The following ANTXR1 variants were observed in gnomAD, a reference collection of about 807,000 sequenced individuals.
The protein encoded by ANTXR1 is ANTXR cell adhesion molecule 1.
ANTXR1 carries 19 observed loss-of-function variants against 78.1 expected under a neutral mutation model. The observed-to-expected ratio is 0.24, with a 90% CI of 0.17 to 0.36. The LOEUF is 0.36. Among genes scored for constraint, ANTXR1 ranks in the 10% least tolerant of loss-of-function variants. The probability of loss-of-function intolerance (pLI) is 1.00; values close to 1 mark genes in which losing one functional copy is unlikely to be tolerated. For missense variants in ANTXR1, 518 were observed against 718.6 expected (o/e 0.72, Z 3.19); for synonymous variants, 273 against 260.5 (o/e 1.05, Z -0.46).
intron 8 of ANTXR1, among the ~76,000 whole-genome samples, chr2:69,084,661 C>T (rs180686068): frequency 1.4e-5 from 2 of 147,216 alleles, no homozygotes; most frequent in African/African-American, 5.0e-5. Context: ...AAACTCCTGG[C>T]CCCAAGCAAT....
At chr2:69,209,517 A>G in intron 17 of ANTXR1, among the ~76,000 whole-genome samples, 1 of 152,238 alleles carries the variant, frequency 6.6e-6, no homozygotes, top group Non-Finnish European at 1.5e-5. Context: ...TGGAGTTTGT[A>G]TCCTAGGATT....
At chr2:69,142,632 G>A (rs936095746) in intron 12 of ANTXR1, among the ~76,000 whole-genome samples, 6 of 152,166 alleles carry the variant, frequency 3.9e-5, no homozygotes, top group African/African-American at 1.4e-4. Context: ...CCTAGCACAT[G>A]GTAGGTGTTC....
chr2:69,064,639 T>C (rs899395373), intron 3 of ANTXR1, among the ~76,000 whole-genome samples: 1 of 152,104 alleles, frequency 6.6e-6, no homozygotes, highest in Non-Finnish European at 1.5e-5. Flanking sequence ...GGTGATAGAT[T>C]AAAAGTGAAA....
intron 3 of ANTXR1, among the ~76,000 whole-genome samples, chr2:69,058,630 C>A (rs1670138837): frequency 6.6e-6 from 1 of 152,176 alleles, no homozygotes; most frequent in Admixed American, 6.5e-5. Context: ...AGATTAATGT[C>A]ATTTTCATGC....
In ANTXR1 at chr2:69,124,425, A is replaced by T. The variant is rs920836199; in HGVS notation, c.873-140A>T. The T allele has an allele frequency of 2.7e-5, 21 of 765,242 alleles. No homozygotes were observed. The Middle Eastern group carries it at 1.3e-3, about 46-fold the overall frequency. The allele number at this position is 765,242 out of a possible 1,614,324, so 47.4% of individuals were successfully genotyped here. ...ACATTTTACAAAAGAGGAAACTCAG[A>T]CCCCTCCTCCCCTGGAGAAGAGACT... On this transcript the variant is annotated intron_variant, in intron 11 of 17. Coordinates refer to ENST00000303714, the MANE Select transcript of ANTXR1 (RefSeq NM_032208.3).
intron 1 of ANTXR1, among the ~76,000 whole-genome samples, chr2:69,020,075 T>C (rs1380352838): frequency 3.3e-5 from 5 of 152,224 alleles, no homozygotes; most frequent in African/African-American, 1.2e-4. Context: ...GAACAATTTA[T>C]ATTCCTTTGG....
intron 10 of ANTXR1, among the ~76,000 whole-genome samples, chr2:69,122,087 G>C (rs13026824): frequency 0.62 from 94,143 of 152,074 alleles, 30,274 homozygotes; most frequent in East Asian, 0.9. Flanking sequence ...AGAACTTTGT[G>C]CAAATCCCTC....
intron 17 of ANTXR1, among the ~76,000 whole-genome samples, chr2:69,199,459 CT>C (rs1674725101): frequency 2.0e-5 from 3 of 152,202 alleles, no homozygotes; most frequent in Admixed American, 6.5e-5. Context: ...ATTGACACAA[CT>C]GGAGAATAAC....
intron 3 of ANTXR1, among the ~76,000 whole-genome samples, chr2:69,050,710 T>G (rs1669906789): frequency 6.6e-6 from 1 of 152,204 alleles, no homozygotes; most frequent in Admixed American, 6.5e-5. Flanking sequence ...TGAGAAACAG[T>G]AGAAATTACC....
At chr2:69,035,567 C>A (rs1327421306) in intron 1 of ANTXR1, among the ~76,000 whole-genome samples, 1 of 152,140 alleles carries the variant, frequency 6.6e-6, no homozygotes, top group African/African-American at 2.4e-5. Flanking sequence ...TTCCTAGAAT[C>A]TTAGAAGTTT....
intron 3 of ANTXR1, among the ~76,000 whole-genome samples, chr2:69,051,727 C>T (rs1669939428): frequency 6.6e-6 from 1 of 151,942 alleles, no homozygotes; most frequent in African/African-American, 2.4e-5. Flanking sequence ...AGACATTTTG[C>T]ATTTTCCACC....
At chr2:69,037,348 G>C (rs1328696546) in intron 1 of ANTXR1, among the ~76,000 whole-genome samples, 1 of 152,208 alleles carries the variant, frequency 6.6e-6, no homozygotes, top group Non-Finnish European at 1.5e-5. Flanking sequence ...CCAGTATCAG[G>C]GGATGCTGAC....
At chr2:69,053,113 A>C (rs550344347) in intron 3 of ANTXR1, among the ~76,000 whole-genome samples, 1 of 152,248 alleles carries the variant, frequency 6.6e-6, no homozygotes, top group South Asian at 2.1e-4. Context: ...ATTTTCTCAA[A>C]TTCCTAAAAT....
At chr2:69,242,925 T>C (rs557942333) in intron 17 of ANTXR1, among the ~76,000 whole-genome samples, 23 of 152,388 alleles carry the variant, frequency 1.5e-4, no homozygotes, top group African/African-American at 5.5e-4. Flanking sequence ...GCATCATGCC[T>C]GAAAGGCTGG....
chr2:69,030,937 T>G (rs1671513630), intron 1 of ANTXR1, among the ~76,000 whole-genome samples: 1 of 152,198 alleles, frequency 6.6e-6, no homozygotes, highest in Admixed American at 6.5e-5. Flanking sequence ...AAAGTGATTG[T>G]CTGGGACATA....
intron 12 of ANTXR1, among the ~76,000 whole-genome samples, chr2:69,127,874 G>A (rs1479092455): frequency 2.0e-5 from 3 of 152,140 alleles, no homozygotes; most frequent in Non-Finnish European, 4.4e-5. Flanking sequence ...ACTTAGGGAG[G>A]AGGGGGAACA....
intron 13 of ANTXR1, among the ~76,000 whole-genome samples, chr2:69,158,504 A>G (rs896076349): frequency 1.3e-5 from 2 of 152,184 alleles, no homozygotes; most frequent in Admixed American, 1.3e-4. Context: ...ACAAGTATTT[A>G]TGTATATATC....
chr2:69,215,365 A>G (rs530516955), intron 17 of ANTXR1, among the ~76,000 whole-genome samples: 1 of 152,354 alleles, frequency 6.6e-6, no homozygotes, highest in East Asian at 1.9e-4. Context: ...TCCAAGCATC[A>G]TGAAGCCAGT....
At position 69,070,706 on chromosome 2, in the gene ANTXR1, A is replaced by G; in HGVS notation, c.356A>G (p.Tyr119Cys). Residue 119 changes from tyrosine (Y) to cysteine (C), a missense_variant, in exon 4 of 18, where the codon TAC becomes TGC. Tyr to Cys is a radical substitution (Grantham distance 194). Transcript: ENST00000303714. ...AAAGTTCTGCCAGGAGGAGACACTT[A>G]CATGCATGAAGGATTTGAAAGGGTA... Reference protein sequence around the residue: ...LQKVLPGGDTYMHEGFERASE... With the variant: ...LQKVLPGGDTCMHEGFERASE... 1 of 1,614,152 alleles carries G rather than the reference A, an allele frequency of 6.2e-7. No individual in the cohort carries two copies. Among genetic ancestry groups the G allele is most frequent in the South Asian group, 1.1e-5 (1 of 91,086 alleles).
Sources: gnomAD v4.1 joint callset for allele counts (sites outside exome capture counted in the v4.1 genomes callset) on GRCh38, gnomAD v4.1.1 for gene constraint, MANE v1.5 for transcripts, NCBI Gene and HGNC (gene_info 2026-07-23, HGNC 2026-07-21) for gene names.